Variants in MLLT10 observed in about 807,000 individuals in gnomAD.
MLLT10 encodes protein AF-10.
Under a neutral mutation model 129.1 loss-of-function variants are expected in MLLT10, and 30 were observed. That is an observed-to-expected ratio of 0.23 (90% CI 0.17 to 0.32). The LOEUF (loss-of-function observed/expected upper bound fraction) is 0.32. Among genes scored for constraint, MLLT10 ranks in the 10% least tolerant of loss-of-function variants. The probability of loss-of-function intolerance (pLI) is 1.00; values close to 1 mark genes in which losing one functional copy is unlikely to be tolerated. For synonymous variants in MLLT10, 490 were observed against 446.4 expected (o/e 1.10, Z -1.23); for missense variants, 1,119 against 1,268.3 (o/e 0.88, Z 1.79).
chr10:21,679,310 G>T (rs182947691), intron 11 of MLLT10, among the ~76,000 whole-genome samples: 7 of 152,208 alleles, frequency 4.6e-5, no homozygotes, highest in Non-Finnish European at 1.0e-4. Flanking sequence ...TTAGGCACGA[G>T]GTCTTTTGAA....
chr10:21,582,940 G>T (rs1430157516), intron 3 of MLLT10, among the ~76,000 whole-genome samples: 1 of 152,158 alleles, frequency 6.6e-6, no homozygotes, highest in Non-Finnish European at 1.5e-5. Context: ...AGGCTGAGGT[G>T]AGTGGATCAC....
intron 4 of MLLT10, among the ~76,000 whole-genome samples, chr10:21,587,423 CA>C (rs35976402): frequency 0.048 from 2,024 of 42,382 alleles, 5 homozygotes; most frequent in Middle Eastern, 0.076. Flanking sequence ...GACCCTGCCT[CA>C]AAAAAAAAAA....
chr10:21,555,873 G>C (rs1348443129), intron 3 of MLLT10, among the ~76,000 whole-genome samples: 4 of 151,134 alleles, frequency 2.6e-5, no homozygotes, highest in African/African-American at 7.3e-5. Context: ...CTTCATGTTG[G>C]TCAGGCTGGT....
intron 9 of MLLT10, among the ~76,000 whole-genome samples, chr10:21,654,973 G>GACCA (rs2049409522): frequency 6.6e-6 from 1 of 152,146 alleles, no homozygotes; most frequent in African/African-American, 2.4e-5. Context: ...AGGAGTTTGA[G>GACCA]ACCAGCCTGG....
chr10:21,546,508 G>A (rs546516503), intron 3 of MLLT10, among the ~76,000 whole-genome samples: 2 of 151,534 alleles, frequency 1.3e-5, no homozygotes, highest in South Asian at 4.2e-4. Flanking sequence ...AGGTTCAAGC[G>A]ATTCTCCTGC....
chr10:21,585,604 A>G (rs893499695), intron 3 of MLLT10, among the ~76,000 whole-genome samples: 9 of 152,238 alleles, frequency 5.9e-5, no homozygotes, highest in African/African-American at 9.6e-5. Flanking sequence ...CTAGCTGACC[A>G]TAAGACAGGA....
chr10:21,555,723 G>A (rs1394009412), intron 3 of MLLT10, among the ~76,000 whole-genome samples: 5 of 149,980 alleles, frequency 3.3e-5, no homozygotes, highest in Admixed American at 3.3e-4. Flanking sequence ...TGTTGCCCAG[G>A]CTGGTGTGAT....
intron 3 of MLLT10, chr10:21,556,945 T>G: frequency 6.5e-7 from 1 of 1,544,344 alleles, no homozygotes; most frequent in Non-Finnish European, 8.7e-7. Flanking sequence ...GGTGGTAGTG[T>G]TTAAGTGGAA....
At chr10:21,726,681 C>CTTTT (rs35036202) in intron 15 of MLLT10, among the ~76,000 whole-genome samples, 101 of 87,582 alleles carry the variant, frequency 1.2e-3, no homozygotes, top group Non-Finnish European at 1.3e-3. Flanking sequence ...TAGCAATGTC[C>CTTTT]TTTTTTTTTT....
intron 8 of MLLT10, among the ~76,000 whole-genome samples, chr10:21,622,483 A>C (rs2045983571): frequency 6.6e-6 from 1 of 152,148 alleles, no homozygotes; most frequent in Admixed American, 6.5e-5. Flanking sequence ...ATGTTTCTGC[A>C]AAAATTGAAA....
intron 13 of MLLT10, among the ~76,000 whole-genome samples, chr10:21,697,679 T>C (rs966176440): frequency 2.6e-5 from 4 of 152,210 alleles, no homozygotes; most frequent in African/African-American, 9.6e-5. Context: ...AGTATTCCAC[T>C]GAGATTGCTG....
At position 21,582,065 on chromosome 10, in the gene MLLT10, TGAGA is replaced by T. The variant is rs1410525471; in HGVS notation, c.241-4224_241-4221del. Among the ~76,000 whole-genome samples, 10 of 152,308 alleles carry T rather than the reference TGAGA, an allele frequency of 6.6e-5. No individual in the cohort carries two copies. The East Asian group carries it at 1.7e-3, about 26-fold the overall frequency. On this transcript the variant is annotated intron_variant, in intron 3 of 22. Coordinates refer to ENST00000307729, the MANE Select transcript of MLLT10 (RefSeq NM_001195626.3). ...GGTTGTTGTTATGCAGACTGCATTTTGAGAGAGACCACATTCATATAGCTTTTCT... is the reference window on the plus strand; with the variant it reads ...GGTTGTTGTTATGCAGACTGCATTTTGAGACCACATTCATATAGCTTTTCT...
In MLLT10 at chr10:21,743,252, A is replaced by G. The variant is rs922980391; in HGVS notation, c.*1269A>G. The G allele has an allele frequency of 6.1e-5, 14 of 227,998 alleles. No individual in the cohort carries two copies. The highest frequency in any genetic ancestry group is 1.1e-4 in the African/African-American group (5 of 45,178). 14.1% of individuals were successfully genotyped at this position (227,998 alleles called of 1,614,324 possible). A position where few individuals can be genotyped will look rare whatever the true frequency, so the allele number is the denominator to read the frequency against. ...GCTGGAAGAACATGTTAATTCTGCAATATGTTTCTTGGTTAAACATTGCAC... is the reference window on the plus strand; with the variant it reads ...GCTGGAAGAACATGTTAATTCTGCAGTATGTTTCTTGGTTAAACATTGCAC... On this transcript the variant is annotated 3_prime_UTR_variant, in exon 23 of 23. Coordinates refer to ENST00000307729, the MANE Select transcript of MLLT10 (RefSeq NM_001195626.3).
intron 3 of MLLT10, among the ~76,000 whole-genome samples, chr10:21,548,193 A>T (rs1028534114): frequency 4.0e-5 from 6 of 151,812 alleles, no homozygotes; most frequent in African/African-American, 1.4e-4. Context: ...CCTGTTTGAG[A>T]CTTGGTCTGC....
intron 3 of MLLT10, among the ~76,000 whole-genome samples, chr10:21,541,973 TG>T (rs2035241124): frequency 6.6e-6 from 1 of 152,200 alleles, no homozygotes; most frequent in Non-Finnish European, 1.5e-5. Flanking sequence ...CGTTACTCTT[TG>T]ACTTTTTTTT....
At chr10:21,651,348 G>A (rs1380576858) in intron 8 of MLLT10, among the ~76,000 whole-genome samples, 2 of 152,156 alleles carry the variant, frequency 1.3e-5, no homozygotes, top group Non-Finnish European at 2.9e-5. Context: ...GGGATTACAG[G>A]TGTGAGCCAC....
At chr10:21,633,194 G>A (rs901054828) in intron 8 of MLLT10, among the ~76,000 whole-genome samples, 1 of 152,162 alleles carries the variant, frequency 6.6e-6, no homozygotes, top group Non-Finnish European at 1.5e-5. Flanking sequence ...ACCTCATAGA[G>A]TTTTTAAAAC....
intron 3 of MLLT10, among the ~76,000 whole-genome samples, chr10:21,573,272 G>C (rs548278142): frequency 1.3e-5 from 2 of 152,246 alleles, no homozygotes; most frequent in East Asian, 3.9e-4. Flanking sequence ...GGGTTTTATT[G>C]ATGAAGTTTA....
Position 21,681,394 on chromosome 10 carries a change from G to A in MLLT10, c.1666+18G>A. The stretch of plus-strand genomic sequence containing the variant: ...AACAACTAGTAAGTTGTCAAACTGG[G>A]TTGATAACCCGGGCCTTTTGTCTCC... On this transcript the variant is annotated intron_variant, in intron 12 of 22. Transcript: ENST00000307729. 1.9e-6 allele frequency: 3 copies of A among 1,579,808 alleles called. No homozygotes were observed. Among genetic ancestry groups the A allele is most frequent in the Non-Finnish European group, 2.6e-6 (3 of 1,150,900 alleles).
Sources: gnomAD v4.1 joint callset for allele counts (sites outside exome capture counted in the v4.1 genomes callset) on GRCh38, gnomAD v4.1.1 for gene constraint, MANE v1.5 for transcripts, NCBI Gene and HGNC (gene_info 2026-07-23, HGNC 2026-07-21) for gene names.